The following PTPRM variants were observed in gnomAD, a reference collection of about 807,000 sequenced individuals.
PTPRM encodes protein tyrosine phosphatase receptor type M.
Under a neutral mutation model 186.7 loss-of-function variants are expected in PTPRM, and 47 were observed. The observed-to-expected ratio is 0.25, with a 90% CI of 0.20 to 0.32. The LOEUF is 0.32. Among genes scored for constraint, PTPRM ranks in the 10% least tolerant of loss-of-function variants. The probability of loss-of-function intolerance (pLI) is 1.00; values close to 1 mark genes in which losing one functional copy is unlikely to be tolerated. For synonymous variants in PTPRM, 668 were observed against 674.9 expected (o/e 0.99, Z 0.16); for missense variants, 1,494 against 1,865.0 (o/e 0.80, Z 3.66).
At chr18:7,657,340 T>C (rs1160766739) in intron 1 of PTPRM, among the ~76,000 whole-genome samples, 1 of 152,220 alleles carries the variant, frequency 6.6e-6, no homozygotes. Flanking sequence ...TCCATCCTTC[T>C]GAGTTAGGAC....
intron 19 of PTPRM, among the ~76,000 whole-genome samples, chr18:8,289,936 A>G (rs1300935732): frequency 1.3e-5 from 2 of 152,158 alleles, no homozygotes; most frequent in Admixed American, 6.6e-5. Flanking sequence ...TTAGCCGTGA[A>G]GCATCACATG....
chr18:8,369,721 C>T (rs1225482620), intron 23 of PTPRM, among the ~76,000 whole-genome samples: 1 of 152,162 alleles, frequency 6.6e-6, no homozygotes, highest in African/African-American at 2.4e-5. Flanking sequence ...TTTTCGAGGC[C>T]AAGGCAGGAG....
At chr18:7,878,856 C>T (rs202218972) in intron 2 of PTPRM, among the ~76,000 whole-genome samples, 94 of 152,156 alleles carry the variant, frequency 6.2e-4, no homozygotes, top group Non-Finnish European at 1.1e-3. Context: ...GAAACTAACC[C>T]GTTTCTAAAG....
At position 8,012,652 on chromosome 18, in the gene PTPRM, C is replaced by T. The variant is rs1337931738; in HGVS notation, c.1133-57034C>T. Among the ~76,000 whole-genome samples, 6 of 152,098 alleles carry T rather than the reference C, an allele frequency of 3.9e-5. No individual in the cohort carries two copies. In the East Asian group the frequency reaches 7.7e-4, roughly 20 times the overall value. ...AACACAATGGTAAGTATCTGTGTATCCAAACATATTTAAACCTAGAACAGG... is the reference window on the plus strand; with the variant it reads ...AACACAATGGTAAGTATCTGTGTATTCAAACATATTTAAACCTAGAACAGG... On this transcript the variant is annotated intron_variant, in intron 7 of 32. Coordinates refer to ENST00000580170, the MANE Select transcript of PTPRM (RefSeq NM_001105244.2).
At chr18:8,183,053 A>G (rs978694642) in intron 14 of PTPRM, among the ~76,000 whole-genome samples, 1 of 152,222 alleles carries the variant, frequency 6.6e-6, no homozygotes. Flanking sequence ...ACTCAGCTAC[A>G]GTTAAGGTTG....
intron 32 of PTPRM, among the ~76,000 whole-genome samples, chr18:8,402,156 AAATGT>A (rs2095875675): frequency 6.6e-6 from 1 of 152,232 alleles, no homozygotes; most frequent in Admixed American, 6.5e-5. Flanking sequence ...CCTGGTAATC[AAATGT>A]AATCAGTTTC....
At chr18:8,312,536 C>T (rs1300512825) in intron 20 of PTPRM, among the ~76,000 whole-genome samples, 1 of 152,062 alleles carries the variant, frequency 6.6e-6, no homozygotes, top group Non-Finnish European at 1.5e-5. Context: ...ATCTATCCAT[C>T]GCTTCCTATA....
intron 13 of PTPRM, among the ~76,000 whole-genome samples, chr18:8,139,793 C>G (rs78371056): frequency 2.0e-5 from 3 of 151,478 alleles, no homozygotes; most frequent in Non-Finnish European, 4.4e-5. Context: ...CTTCACCCCC[C>G]AGCCCACTCC....
intron 19 of PTPRM, among the ~76,000 whole-genome samples, chr18:8,285,891 C>T (rs781498536): frequency 4.9e-4 from 74 of 152,130 alleles, no homozygotes; most frequent in Non-Finnish European, 4.7e-4. Flanking sequence ...ACTCAGGAGG[C>T]TGAGGCAGGA....
chr18:7,626,344 T>C (rs774596268), intron 1 of PTPRM, among the ~76,000 whole-genome samples: 4 of 152,224 alleles, frequency 2.6e-5, no homozygotes, highest in Non-Finnish European at 4.4e-5. Context: ...CTTTGGACTT[T>C]AGCAGACTCC....
At chr18:8,106,331 T>G (rs146334840) in intron 11 of PTPRM, among the ~76,000 whole-genome samples, 183 of 152,190 alleles carry the variant, frequency 1.2e-3, no homozygotes, top group Non-Finnish European at 2.2e-3. Flanking sequence ...GGCTTTTTTT[T>G]TTGTTGCTGT....
At chr18:8,320,246 C>T (rs1187725064) in intron 22 of PTPRM, among the ~76,000 whole-genome samples, 4 of 152,136 alleles carry the variant, frequency 2.6e-5, no homozygotes, top group Admixed American at 6.5e-5. Context: ...AGGGAATCAA[C>T]GATGCCAAGA....
In PTPRM at chr18:7,842,291, C is replaced by G. The variant is rs377306166; in HGVS notation, c.197-45815C>G. Among the ~76,000 whole-genome samples, 18 of 152,188 alleles carry G rather than the reference C, an allele frequency of 1.2e-4. 1 individual carries two copies. In the South Asian group the frequency reaches 1.5e-3, roughly 12 times the overall value. On this transcript the variant is annotated intron_variant, in intron 2 of 32. Transcript: ENST00000580170. Reference sequence around the variant, plus strand: ...CTGTTCTGGGCAAAATGGTTGTCACCCCGATAATAACTAACATGCTTTGAT... The same window carrying G: ...CTGTTCTGGGCAAAATGGTTGTCACGCCGATAATAACTAACATGCTTTGAT...
intron 31 of PTPRM, among the ~76,000 whole-genome samples, chr18:8,390,135 A>G (rs1321222405): frequency 6.6e-6 from 1 of 152,234 alleles, no homozygotes; most frequent in Non-Finnish European, 1.5e-5. Context: ...TCTTCTAATT[A>G]GCAGAAGAGA....
chr18:8,404,920 CACCCG>C (rs2095894905), intron 32 of PTPRM: 1 of 152,258 alleles, frequency 6.6e-6, no homozygotes, highest in Non-Finnish European at 1.5e-5. Context: ...TCTCCCCGGC[CACCCG>C]AGACCACACC....
At chr18:7,993,419 G>A (rs538821572) in intron 7 of PTPRM, among the ~76,000 whole-genome samples, 1 of 152,092 alleles carries the variant, frequency 6.6e-6, no homozygotes, top group East Asian at 1.9e-4. Flanking sequence ...CCTCTTTGAG[G>A]CACATTATAG....
intron 19 of PTPRM, among the ~76,000 whole-genome samples, chr18:8,273,836 T>A (rs1367832826): frequency 2.0e-5 from 3 of 152,226 alleles, no homozygotes; most frequent in South Asian, 4.1e-4. Context: ...AATTCAGAAC[T>A]GATGGAAAAG....
At chr18:8,224,941 A>C (rs1305447970) in intron 14 of PTPRM, among the ~76,000 whole-genome samples, 1 of 152,206 alleles carries the variant, frequency 6.6e-6, no homozygotes, top group East Asian at 1.9e-4. Flanking sequence ...TACATTAGGA[A>C]GCATATAAGG....
chr18:7,831,613 T>G (rs2045763076), intron 2 of PTPRM, among the ~76,000 whole-genome samples: 1 of 152,210 alleles, frequency 6.6e-6, no homozygotes, highest in Admixed American at 6.5e-5. Flanking sequence ...GTCCTTTGTA[T>G]TACAAACCAA....
Sources: gnomAD v4.1 joint callset for allele counts (sites outside exome capture counted in the v4.1 genomes callset) on GRCh38, gnomAD v4.1.1 for gene constraint, MANE v1.5 for transcripts, NCBI Gene and HGNC (gene_info 2026-07-23, HGNC 2026-07-21) for gene names.